KIRREL3: variants seen among roughly 807,000 people sequenced by gnomAD.
KIRREL3 encodes the protein kirre like nephrin family adhesion molecule 3.
Under a neutral mutation model 89.7 loss-of-function variants are expected in KIRREL3, and 36 were observed. That is an observed-to-expected ratio of 0.40 (90% confidence interval 0.31 to 0.53). KIRREL3 has a LOEUF of 0.53. Among genes scored for constraint, KIRREL3 ranks in the 20% least tolerant of loss-of-function variants. The probability of loss-of-function intolerance (pLI) is 0.49; values close to 1 mark genes in which losing one functional copy is unlikely to be tolerated. For missense variants in KIRREL3, 864 were observed against 1,056.6 expected, an observed-to-expected ratio of 0.82 and a Z score of 2.53; for synonymous variants, 445 against 441.4, an observed-to-expected ratio of 1.01 and a Z score of -0.10.
rs2134313842 is a variant in KIRREL3, at chr11:126,776,199, G to T, written c.56-213287C>A. 6.6e-6 allele frequency among the ~76,000 whole-genome samples: 1 copy of T among 152,298 alleles called. No individual in the cohort carries two copies. Among genetic ancestry groups the T allele is most frequent in the East Asian group, 1.9e-4 (1 of 5,156 alleles). On this transcript the variant is annotated intron_variant, in intron 1 of 16. Transcript: ENST00000525144. The surrounding 1 kb of genome is among the most constrained non-coding windows in gnomAD (Gnocchi z 4.7). ...GTTGGCAGGTGGCTTCCCTCCTGTG[G>T]CTGCTTTCAGGGGCAGCCCTACTCT...
In KIRREL3 at chr11:126,998,403, G is replaced by T. The variant is rs112485943; in HGVS notation, c.55+2052C>A. Among the ~76,000 whole-genome samples the T allele has an allele frequency of 1.1e-3, 171 of 152,226 alleles. 1 individual carries two copies. Among genetic ancestry groups the T allele is most frequent in the African/African-American group, 3.9e-3 (163 of 41,546 alleles). On this transcript the variant is annotated intron_variant, in intron 1 of 16. Transcript: ENST00000525144. ...GGTATCTGACCAGCCATGTCCACTT[G>T]GGTCTCCTCATTTTTGTTTAGACCT...
At chr11:126,787,089 A>G (rs1463254606) in intron 1 of KIRREL3, among the ~76,000 whole-genome samples, 1 of 152,056 alleles carries the variant, frequency 6.6e-6, no homozygotes, top group Non-Finnish European at 1.5e-5. Context: ...GGGCCAGCAC[A>G]AGGGGCCAGT....
chr11:126,940,390 G>A lies in KIRREL3; in HGVS notation c.55+60065C>T, dbSNP rs760832336. ...CCAGTAGATTTACTTTTGCTATGCC[G>A]CCCTAGATTATGAAAAAGTATAATT... On this transcript the variant is annotated intron_variant, in intron 1 of 16. Transcript: ENST00000525144. This position sits in a 1 kb window ranked among gnomAD's most constrained non-coding sequence, Gnocchi z 4.6. 5.8e-5 allele frequency: 5 copies of A among 86,584 alleles called. No homozygotes were observed. In the East Asian group the frequency reaches 9.9e-4, roughly 17 times the overall value. 5.4% of individuals were successfully genotyped at this position (86,584 alleles called of 1,614,324 possible).
chr11:126,678,739 C>T (rs1946316613), intron 1 of KIRREL3, among the ~76,000 whole-genome samples: 1 of 151,934 alleles, frequency 6.6e-6, no homozygotes, highest in African/African-American at 2.4e-5. Flanking sequence ...GACCCTATGT[C>T]CACTGCCCAG....
rs1467250138 is a variant in KIRREL3 at position 126,614,862 on chromosome 11, G to A, written c.56-51950C>T. On this transcript the variant is annotated intron_variant, in intron 1 of 16. Transcript: ENST00000525144. The surrounding 1 kb of genome is among the most constrained non-coding windows in gnomAD (Gnocchi z 4.6). ...AATCTTCCTTTCTTTGTGGGCTCAT[G>A]GTGCTGAGAAGATGGATGAGCTGGG... Among the ~76,000 whole-genome samples the A allele has an allele frequency of 6.6e-6, 1 of 152,136 alleles. No individual in the cohort carries two copies. Among genetic ancestry groups the A allele is most frequent in the African/African-American group, 2.4e-5 (1 of 41,416 alleles).
rs1323842100 is a variant in KIRREL3, at chr11:126,656,643, A to C, written c.56-93731T>G. On this transcript the variant is annotated intron_variant, in intron 1 of 16. Coordinates refer to ENST00000525144, the MANE Select transcript of KIRREL3 (RefSeq NM_032531.4). The surrounding 1 kb of genome is among the most constrained non-coding windows in gnomAD (Gnocchi z 4.0). The stretch of plus-strand genomic sequence containing the variant: ...ATGCTTTTACCACCTTATACTGAGT[A>C]AGAAGATGAATTTGCACAGATTTCT... 6.6e-6 allele frequency among the ~76,000 whole-genome samples: 1 copy of C among 152,210 alleles called. No individual in the cohort carries two copies. Among genetic ancestry groups the C allele is most frequent in the African/African-American group, 2.4e-5 (1 of 41,462 alleles).
intron 1 of KIRREL3, among the ~76,000 whole-genome samples, chr11:126,727,381 A>G (rs144017067): frequency 6.6e-6 from 1 of 152,326 alleles, no homozygotes; most frequent in East Asian, 1.9e-4. Context: ...GGTGGCCTCA[A>G]CCTGAGAAGG....
chr11:126,842,135 G>A (rs1016613551), intron 1 of KIRREL3, among the ~76,000 whole-genome samples: 4 of 152,028 alleles, frequency 2.6e-5, no homozygotes, highest in Non-Finnish European at 4.4e-5. Flanking sequence ...AAGGGGAGCC[G>A]CTGAGCCTGC....
Position 126,564,517 on chromosome 11 carries a change from T to G in KIRREL3, c.56-1605A>C, listed in dbSNP as rs575888569. The stretch of plus-strand genomic sequence containing the variant: ...AGCAGAGAAGCAGATCTGAGGGCAC[T>G]GTTTCCAAAGGCACTCACTTCTCTT... On this transcript the variant is annotated intron_variant, in intron 1 of 16. Coordinates refer to ENST00000525144, the MANE Select transcript of KIRREL3 (RefSeq NM_032531.4). This position sits in a 1 kb window ranked among gnomAD's most constrained non-coding sequence, Gnocchi z 7.4. Among the ~76,000 whole-genome samples the G allele has an allele frequency of 5.3e-5, 8 of 152,336 alleles. No individual in the cohort carries two copies. In the South Asian group the frequency reaches 6.2e-4, roughly 12 times the overall value.
At chr11:126,456,039 GTTTT>G (rs745805898) in intron 7 of KIRREL3, among the ~76,000 whole-genome samples, 26 of 68,310 alleles carry the variant, frequency 3.8e-4, no homozygotes, top group African/African-American at 7.3e-4. Context: ...TTTTGTTTTC[GTTTT>G]TTTTTTTTTT....
In KIRREL3 at chr11:126,561,586, A is replaced by G. The variant is rs1940127420; in HGVS notation, c.133+1249T>C. On this transcript the variant is annotated intron_variant, in intron 2 of 16. Coordinates refer to ENST00000525144, the MANE Select transcript of KIRREL3 (RefSeq NM_032531.4). The surrounding 1 kb of genome is among the most constrained non-coding windows in gnomAD (Gnocchi z 4.5). ...AGGGAAGGGGAGGCTGAGAAAGAGA[A>G]AAGTCAGTAAAGGCAACTGACTAGC... Among the ~76,000 whole-genome samples, 1 of 152,160 alleles carries G rather than the reference A, an allele frequency of 6.6e-6. No homozygotes were observed. Among genetic ancestry groups the G allele is most frequent in the Non-Finnish European group, 1.5e-5 (1 of 68,016 alleles).
At position 126,898,650 on chromosome 11, in the gene KIRREL3, G is replaced by C. The variant is rs1946257486; in HGVS notation, c.55+101805C>G. 6.6e-6 allele frequency among the ~76,000 whole-genome samples: 1 copy of C among 152,150 alleles called. No individual in the cohort carries two copies. The highest frequency in any genetic ancestry group is 1.5e-5 in the Non-Finnish European group (1 of 68,036). On this transcript the variant is annotated intron_variant, in intron 1 of 16. Transcript: ENST00000525144. This position sits in a 1 kb window ranked among gnomAD's most constrained non-coding sequence, Gnocchi z 4.9. ...AAATCATGCATATAGGTAACACCCT[G>C]TACTTTACATATATTTTGGAAGACC...
intron 1 of KIRREL3, among the ~76,000 whole-genome samples, chr11:126,889,895 T>C (rs1423616622): frequency 6.6e-6 from 1 of 152,240 alleles, no homozygotes; most frequent in Non-Finnish European, 1.5e-5. Flanking sequence ...TGATTATTTT[T>C]CTAACATTCT....
chr11:126,534,691 C>T (rs1455607230), intron 2 of KIRREL3, among the ~76,000 whole-genome samples: 1 of 152,206 alleles, frequency 6.6e-6, no homozygotes, highest in Admixed American at 6.5e-5. Context: ...GGTAAGGCAG[C>T]TGCTTTTCCC....
chr11:126,452,991 G>T (rs895654816), intron 7 of KIRREL3, among the ~76,000 whole-genome samples: 1 of 151,988 alleles, frequency 6.6e-6, no homozygotes, highest in African/African-American at 2.4e-5. Flanking sequence ...CACCCTCTTC[G>T]TGCCTCTCCT....
chr11:126,919,619 G>A (rs1004077645), intron 1 of KIRREL3, among the ~76,000 whole-genome samples: 3 of 152,180 alleles, frequency 2.0e-5, no homozygotes, highest in African/African-American at 7.2e-5. Context: ...AGCTGCAGTG[G>A]CCAAGGACAT....
intron 2 of KIRREL3, among the ~76,000 whole-genome samples, chr11:126,533,067 A>G (rs1053107945): frequency 3.9e-5 from 6 of 152,172 alleles, no homozygotes; most frequent in Non-Finnish European, 8.8e-5. Flanking sequence ...TCAGCCTTCC[A>G]AAGTGCTGAG....
At position 126,860,008 on chromosome 11, in the gene KIRREL3, T is replaced by C. The variant is rs2134609136; in HGVS notation, c.55+140447A>G. On this transcript the variant is annotated intron_variant, in intron 1 of 16. Transcript: ENST00000525144. This position sits in a 1 kb window ranked among gnomAD's most constrained non-coding sequence, Gnocchi z 4.6. ...TTCTGCTCTGATTTACCTTTAGAGC[T>C]GTATTAACTCTGACGTTCTACTATT... is the stretch of plus-strand genomic sequence containing the variant. Among the ~76,000 whole-genome samples, 2 of 152,348 alleles carry C rather than the reference T, an allele frequency of 1.3e-5. No homozygotes were observed. Among genetic ancestry groups the C allele is most frequent in the South Asian group, 4.1e-4 (2 of 4,828 alleles).
chr11:126,549,593 G>A (rs893396954), intron 2 of KIRREL3: 40 of 152,236 alleles, frequency 2.6e-4, no homozygotes, highest in African/African-American at 8.0e-4. Context: ...AGACCCTGGG[G>A]AGAGGGCTGG....
Sources: allele counts gnomAD v4.1 joint callset (sites outside exome capture counted in the v4.1 genomes callset), GRCh38; gene constraint gnomAD v4.1.1; non-coding constraint Gnocchi (gnomAD v3.1); transcripts MANE v1.5; gene names NCBI Gene and HGNC (gene_info 2026-07-23, HGNC 2026-07-21).